The following ANKS1B variants were observed in gnomAD, a reference collection of about 807,000 sequenced individuals.
ANKS1B encodes ankyrin repeat and sterile alpha motif domain containing 1B.
A neutral mutation model predicts 148.3 loss-of-function variants in ANKS1B; 36 were observed. The ratio of observed to expected loss-of-function variants is 0.24; its 90% CI spans 0.19 to 0.32. ANKS1B has a LOEUF of 0.32. ANKS1B is among the 10% of genes least tolerant of loss of function. ANKS1B has a pLI of 1.00. For synonymous variants in ANKS1B, 542 were observed against 560.8 expected (o/e 0.97, Z 0.47); for missense variants, 1,157 against 1,542.6 (o/e 0.75, Z 4.19).
At chr12:99,770,361 C>T (rs1291011140) in intron 8 of ANKS1B, among the ~76,000 whole-genome samples, 9 of 152,020 alleles carry the variant, frequency 5.9e-5, no homozygotes, top group Non-Finnish European at 1.3e-4. Flanking sequence ...TTATAAATCC[C>T]ACAACTCAAA....
chr12:98,933,578 T>G (rs2099815687), intron 17 of ANKS1B, among the ~76,000 whole-genome samples: 1 of 152,166 alleles, frequency 6.6e-6, no homozygotes, highest in Non-Finnish European at 1.5e-5. Context: ...ACATCTATAC[T>G]GCTTTTCATA....
chr12:99,587,688 AATT>A (rs1333628791), intron 9 of ANKS1B, among the ~76,000 whole-genome samples: 2 of 152,170 alleles, frequency 1.3e-5, no homozygotes, highest in Admixed American at 6.5e-5. Context: ...GCCTCAATAC[AATT>A]TAGGGGCGAA....
At chr12:99,240,971 C>T (rs563661575) in intron 14 of ANKS1B, among the ~76,000 whole-genome samples, 7 of 152,114 alleles carry the variant, frequency 4.6e-5, no homozygotes, top group African/African-American at 1.7e-4. Flanking sequence ...GACACGCTAA[C>T]ATCACAATTA....
rs180752071 is a variant in ANKS1B at position 99,008,154 on chromosome 12, C to T, written c.2778+45003G>A. Among the ~76,000 whole-genome samples, 89 of 152,224 alleles carry T rather than the reference C, an allele frequency of 5.8e-4. 1 individual carries two copies. Among genetic ancestry groups the T allele is most frequent in the Admixed American group, 5.8e-3 (88 of 15,284 alleles). ...AAGATACTTAGCACCTGTTTCCCCT[C>T]GAGCTTTGGGCCTAGGTATCAGTTC... On this transcript the variant is annotated intron_variant, in intron 17 of 26. Transcript: ENST00000683438.
At chr12:99,777,565 G>A (rs1404953107) in intron 6 of ANKS1B, among the ~76,000 whole-genome samples, 1 of 151,762 alleles carries the variant, frequency 6.6e-6, no homozygotes, top group African/African-American at 2.4e-5. Context: ...CTTCAGTTTT[G>A]TTTTTTTGTT....
chr12:99,121,318 GGTATGTGT>G (rs1275293445), intron 15 of ANKS1B, among the ~76,000 whole-genome samples: 7 of 105,976 alleles, frequency 6.6e-5, no homozygotes, highest in African/African-American at 9.2e-5. Flanking sequence ...TGTGTATGTA[GGTATGTGT>G]GTGTGTGTGT....
intron 12 of ANKS1B, among the ~76,000 whole-genome samples, chr12:99,269,383 C>T (rs1416036494): frequency 1.3e-5 from 2 of 152,146 alleles, no homozygotes; most frequent in African/African-American, 4.8e-5. Context: ...TTCTTGTATG[C>T]AGTCTCCAAC....
At chr12:99,272,244 T>C (rs749631937) in intron 12 of ANKS1B, among the ~76,000 whole-genome samples, 20 of 152,178 alleles carry the variant, frequency 1.3e-4, no homozygotes, top group Non-Finnish European at 5.9e-5. Context: ...GTTGTCGAGC[T>C]TCAGAGCTAA....
downstream of ANKS1B, among the ~76,000 whole-genome samples, chr12:98,742,633 C>T (rs1290824967): frequency 6.6e-6 from 1 of 152,192 alleles, no homozygotes; most frequent in Non-Finnish European, 1.5e-5. Context: ...GTTATTTCGA[C>T]CACAAAATTA....
At chr12:99,570,825 T>A (rs1003197745) in intron 9 of ANKS1B, among the ~76,000 whole-genome samples, 3 of 152,048 alleles carry the variant, frequency 2.0e-5, no homozygotes, top group Admixed American at 1.3e-4. Flanking sequence ...ACTTTAGAGA[T>A]CAATTGTTAA....
intron 1 of ANKS1B, among the ~76,000 whole-genome samples, chr12:99,883,623 G>A (rs76557498): frequency 0.22 from 33,678 of 150,984 alleles, 3,796 homozygotes; most frequent in Non-Finnish European, 0.24. Flanking sequence ...GGGCAGGGGG[G>A]AATCTGCAAA....
At position 98,898,187 on chromosome 12, in the gene ANKS1B, TATAAAA is replaced by T. The variant is rs569704755; in HGVS notation, c.2779-66057_2779-66052del. Among the ~76,000 whole-genome samples the T allele has an allele frequency of 1.4e-4, 22 of 152,244 alleles. No individual in the cohort carries two copies. The East Asian group carries it at 2.3e-3, about 16-fold the overall frequency. On this transcript the variant is annotated intron_variant, in intron 17 of 26. Coordinates refer to ENST00000683438, the MANE Select transcript of ANKS1B (RefSeq NM_001352186.2). Reference sequence around the variant, plus strand: ...CATATCCATGTAACAAACCTGCATCTATAAAAATAAAAATAAAAAATAAACAGCTGT... The same window carrying T: ...CATATCCATGTAACAAACCTGCATCTATAAAAATAAAAAATAAACAGCTGT...
chr12:99,884,236 G>A (rs909662510), intron 1 of ANKS1B, among the ~76,000 whole-genome samples: 12 of 152,110 alleles, frequency 7.9e-5, no homozygotes, highest in Non-Finnish European at 1.8e-4. Flanking sequence ...CTATTAGAAT[G>A]GGGGAAAAAC....
chr12:99,738,377 C>T (rs1232548085), intron 8 of ANKS1B, among the ~76,000 whole-genome samples: 1 of 152,160 alleles, frequency 6.6e-6, no homozygotes, highest in African/African-American at 2.4e-5. Context: ...TCACATTTAA[C>T]TCCTCCATCT....
intron 1 of ANKS1B, among the ~76,000 whole-genome samples, chr12:99,900,907 T>G (rs2093576614): frequency 6.6e-6 from 1 of 152,240 alleles, no homozygotes; most frequent in South Asian, 2.1e-4. Flanking sequence ...TTTCTAAATT[T>G]CAGACCAGCA....
At chr12:99,767,888 T>A (rs1260365479) in intron 8 of ANKS1B, among the ~76,000 whole-genome samples, 12 of 152,244 alleles carry the variant, frequency 7.9e-5, no homozygotes, top group Admixed American at 7.8e-4. Context: ...TTAGTAAAAG[T>A]GTTCAAACTA....
At chr12:99,021,668 T>C (rs1288557346) in intron 17 of ANKS1B, among the ~76,000 whole-genome samples, 1 of 152,206 alleles carries the variant, frequency 6.6e-6, no homozygotes, top group Non-Finnish European at 1.5e-5. Flanking sequence ...TGATATTTTA[T>C]AACCAACCAG....
chr12:99,411,397 G>T (rs1377423770), intron 11 of ANKS1B, among the ~76,000 whole-genome samples: 1 of 152,128 alleles, frequency 6.6e-6, no homozygotes, highest in Non-Finnish European at 1.5e-5. Context: ...TCTTCTTTAT[G>T]GCTGCATAGT....
chr12:98,779,598 GA>G (rs905401132), intron 24 of ANKS1B, among the ~76,000 whole-genome samples: 6 of 150,906 alleles, frequency 4.0e-5, no homozygotes, highest in South Asian at 2.1e-4. Context: ...TCAATTTAGG[GA>G]AAAAAAAATC....
Sources: allele counts gnomAD v4.1 joint callset (sites outside exome capture counted in the v4.1 genomes callset), GRCh38; gene constraint gnomAD v4.1.1; transcripts MANE v1.5; gene names NCBI Gene and HGNC (gene_info 2026-07-23, HGNC 2026-07-21).